The following EPOR variants were observed in gnomAD, a reference collection of about 807,000 sequenced individuals.
EPOR encodes the protein erythropoietin receptor.
In EPOR, 20 loss-of-function variants were observed where a neutral mutation model predicts 34.3. The observed-to-expected ratio is 0.58, with a 90% CI of 0.41 to 0.85. The LOEUF (loss-of-function observed/expected upper bound fraction) is 0.85. Ranked by LOEUF, EPOR falls within the 40% of genes least tolerant of loss-of-function variation. The pLI, the probability that EPOR is intolerant of heterozygous loss-of-function variation, is 0.00. For synonymous variants in EPOR, 312 were observed against 299.0 expected (o/e 1.04, Z -0.45); for missense variants, 601 against 672.7 (o/e 0.89, Z 1.18).
chr19:11,377,933 C>A lies in EPOR; in HGVS notation c.*51G>T, dbSNP rs1161552522. ...CCCTGTTCCATAAGTCTTGAGTCTG[C>A]ACTGGTTCTCTGAGTCATATTGGAT... On this transcript the variant is annotated 3_prime_UTR_variant, in exon 8 of 8. Coordinates refer to ENST00000222139, the MANE Select transcript of EPOR (RefSeq NM_000121.4). The A allele has an allele frequency of 6.2e-7, 1 of 1,611,238 alleles. No homozygotes were observed. Among genetic ancestry groups the A allele is most frequent in the African/African-American group, 1.3e-5 (1 of 74,864 alleles).
At chr19:11,382,859 G>C (rs1338942192) in intron 2 of EPOR, 1 of 1,505,864 alleles carries the variant, frequency 6.6e-7, no homozygotes, top group East Asian at 2.6e-5. Context: ...TCGATTTGGA[G>C]GCGTTGTTAT....
rs1304121438 is a variant in EPOR, at chr19:11,381,700, C to A, written c.577G>T (p.Val193Leu). 3 of 1,606,744 alleles carry A rather than the reference C, an allele frequency of 1.9e-6. No homozygotes were observed. The highest frequency in any genetic ancestry group is 2.5e-6 in the Non-Finnish European group (3 of 1,177,242). ...DVSAGNGAGS[V>L]QRVEILEGRT... ...GTAGGGGCTGGCCTCACCCTCTGTACGCTCCCTGCGCCGTTGCCGGCCGAG... is the reference window on the plus strand; with the variant it reads ...GTAGGGGCTGGCCTCACCCTCTGTAAGCTCCCTGCGCCGTTGCCGGCCGAG... The change falls in exon 4 of 8, where the codon GTA (valine) becomes TTA (leucine). Residue 193 changes from valine to leucine, a missense_variant. Physicochemically the swap from Val to Leu is conservative, Grantham distance 32. Coordinates refer to ENST00000222139, the MANE Select transcript of EPOR (RefSeq NM_000121.4). This position sits in a 1 kb window ranked among gnomAD's most constrained non-coding sequence, Gnocchi z 5.3.
Position 11,377,300 on chromosome 19 carries a change from G to C in EPOR, c.*684C>G. ...CTTCCTGGGTGTACAGCTAAACTAAGTTTCCTGGCCTTTCATGTGACTGGG... is the reference window on the plus strand; with the variant it reads ...CTTCCTGGGTGTACAGCTAAACTAACTTTCCTGGCCTTTCATGTGACTGGG... On this transcript the variant is annotated 3_prime_UTR_variant, in exon 8 of 8. Coordinates refer to ENST00000222139, the MANE Select transcript of EPOR (RefSeq NM_000121.4). 2.2e-6 allele frequency: 1 copy of C among 454,054 alleles called. No homozygotes were observed. The highest frequency in any genetic ancestry group is 1.6e-5 in the South Asian group (1 of 64,474). The allele number at this position is 454,054 out of a possible 1,614,324, so 28.1% of individuals were successfully genotyped here.
rs776060672 is a variant in EPOR, at chr19:11,381,037, C to T, written c.739+19G>A. Reference sequence around the variant, plus strand: ...GTGATTCGCCCTGGCTCCTCCTACACCCCCGCCTGGGGCCTCACCGCTAGG... The same window carrying T: ...GTGATTCGCCCTGGCTCCTCCTACATCCCCGCCTGGGGCCTCACCGCTAGG... On this transcript the variant is annotated intron_variant, in intron 5 of 7. Coordinates refer to ENST00000222139, the MANE Select transcript of EPOR (RefSeq NM_000121.4). This position sits in a 1 kb window ranked among gnomAD's most constrained non-coding sequence, Gnocchi z 5.3. The T allele has an allele frequency of 1.3e-6, 2 of 1,591,190 alleles. No homozygotes were observed. The highest frequency in any genetic ancestry group is 1.7e-6 in the Non-Finnish European group (2 of 1,168,548).
At chr19:11,382,992 C>T in intron 2 of EPOR, 105 bp downstream of exon 2, 1 of 1,597,302 alleles carries the variant, frequency 6.3e-7, no homozygotes, top group South Asian at 1.1e-5. Context: ...ACTGGAGGCG[C>T]CGTCGGGCCT....
Position 11,380,928 on chromosome 19 carries a change from G to A in EPOR, c.783C>T (p.Val261=). The A allele has an allele frequency of 6.4e-7, 1 of 1,552,010 alleles. No individual in the cohort carries two copies. The change falls in exon 6 of 8, where the codon GTC becomes GTT. Residue 261 remains valine, a synonymous_variant. Coordinates refer to ENST00000222139, the MANE Select transcript of EPOR (RefSeq NM_000121.4). The part of the protein sequence containing the change: ...LILTLSLILV[V]ILVLLTVLAL... ...CGAGCACGGTCAGCAGCACCAGGAT[G>A]ACCACGAGGATGAGGGAGAGCGTCA...
In EPOR at chr19:11,383,439, G is replaced by A; in HGVS notation, c.116-207C>T. 2 of 551,868 alleles carry A rather than the reference G, an allele frequency of 3.6e-6. No individual in the cohort carries two copies. Among genetic ancestry groups the A allele is most frequent in the Non-Finnish European group, 6.3e-6 (2 of 316,070 alleles). 34.2% of individuals were successfully genotyped at this position (551,868 alleles called of 1,614,324 possible). ...CAAGTTTCTCGCCTTACTGTCCCCC[G>A]CCGTCACCACTGGCGCACACCTGCC... On this transcript the variant is annotated intron_variant, in intron 1 of 7. Coordinates refer to ENST00000222139, the MANE Select transcript of EPOR (RefSeq NM_000121.4). The surrounding 1 kb of genome is among the most constrained non-coding windows in gnomAD (Gnocchi z 4.9).
rs141524122 is a variant in EPOR, at chr19:11,377,407, T to C, written c.*577A>G. On this transcript the variant is annotated 3_prime_UTR_variant, in exon 8 of 8. Coordinates refer to ENST00000222139, the MANE Select transcript of EPOR (RefSeq NM_000121.4). ...CAGGCCAGATCCCTCAAATGGCCCA[T>C]TGAGGGTCATTGCTGCCCTTTTTCT... 144 of 454,026 alleles carry C rather than the reference T, an allele frequency of 3.2e-4. 2 individuals are homozygous for C. In the East Asian group the frequency reaches 8.7e-3, roughly 27 times the overall value. 28.1% of individuals were successfully genotyped at this position (454,026 alleles called of 1,614,324 possible). A position where few individuals can be genotyped will look rare whatever the true frequency, so the allele number is the denominator to read the frequency against.
Position 11,384,079 on chromosome 19 carries a change from C to A in EPOR, c.115+14G>T, listed in dbSNP as rs1327953682. On this transcript the variant is annotated intron_variant, in intron 1 of 7. Transcript: ENST00000222139. ...AGGCTCCAGCGTAGGGGTCCACACG[C>A]AGCTCATCCTTACCTTTGCTCTCGA... is the stretch of plus-strand genomic sequence containing the variant. 1 of 1,512,774 alleles carries A rather than the reference C, an allele frequency of 6.6e-7. No individual in the cohort carries two copies. The highest frequency in any genetic ancestry group is 2.0e-5 in the Admixed American group (1 of 50,940). The allele number at this position is 1,512,774 out of a possible 1,614,324, so 93.7% of individuals were successfully genotyped here.
chr19:11,380,746 C>A, intron 6 of EPOR, 138 bp downstream of exon 6: 1 of 729,428 alleles, frequency 1.4e-6, no homozygotes, highest in South Asian at 1.6e-5. Context: ...GGCATGCATC[C>A]CAGCCCTGCC....
In EPOR at chr19:11,381,299, A is replaced by T. The variant is rs1232255538; in HGVS notation, c.586-90T>A. ...TGGTGGAACTGAGCCAATCAGGGGA[A>T]AGGAAAACGGTGCCCTAGAATTGCA... On this transcript the variant is annotated intron_variant, in intron 4 of 7. Transcript: ENST00000222139. The surrounding 1 kb of genome is among the most constrained non-coding windows in gnomAD (Gnocchi z 5.3). The T allele has an allele frequency of 2.1e-6, 3 of 1,428,838 alleles. No homozygotes were observed. The highest frequency in any genetic ancestry group is 2.8e-5 in the African/African-American group (2 of 70,698). The allele number at this position is 1,428,838 out of a possible 1,614,324, so 88.5% of individuals were successfully genotyped here.
chr19:11,378,039 T>C lies in EPOR; in HGVS notation c.1472A>G (p.Asn491Ser). 3 of 1,614,110 alleles carry C rather than the reference T, an allele frequency of 1.9e-6. No individual in the cohort carries two copies. The South Asian group carries it at 3.3e-5, about 18-fold the overall frequency. The change falls in exon 8 of 8, where the codon AAC (asparagine) becomes AGC (serine). Residue 491 changes from asparagine to serine, a missense_variant. Coordinates refer to ENST00000222139, the MANE Select transcript of EPOR (RefSeq NM_000121.4). This position sits in a 1 kb window ranked among gnomAD's most constrained non-coding sequence, Gnocchi z 5.3. Reference sequence around the variant, plus strand: ...AGGCTCAGCGGCTGGGATAAGGCTGTTCTCATAAGGGTTGGAGTAGGGGCC... The same window carrying C: ...AGGCTCAGCGGCTGGGATAAGGCTGCTCTCATAAGGGTTGGAGTAGGGGCC... ...SDGPYSNPYENSLIPAAEPLP... is the reference protein window; with the variant it reads ...SDGPYSNPYESSLIPAAEPLP...
chr19:11,379,981 G>A (rs931686186), intron 6 of EPOR, among the ~76,000 whole-genome samples: 8 of 152,168 alleles, frequency 5.3e-5, no homozygotes, highest in Non-Finnish European at 1.0e-4. Context: ...GATTACAGGC[G>A]TGAGCCACCA....
Position 11,378,005 on chromosome 19 carries a change from G to T in EPOR, c.1506C>A (p.Pro502=), listed in dbSNP as rs1323823127. 1 of 1,613,958 alleles carries T rather than the reference G, an allele frequency of 6.2e-7. No individual in the cohort carries two copies. Among genetic ancestry groups the T allele is most frequent in the African/African-American group, 1.3e-5 (1 of 74,922 alleles). Reference sequence around the variant, plus strand: ...TGTCCTAAGAGCAAGCCACATAGCTGGGGGGCAGAGGCTCAGCGGCTGGGA... The same window carrying T: ...TGTCCTAAGAGCAAGCCACATAGCTTGGGGGCAGAGGCTCAGCGGCTGGGA... The part of the protein sequence containing the change: ...SLIPAAEPLP[P]SYVACS The change falls in exon 8 of 8, where the codon CCC becomes CCA. Residue 502 remains proline (P), a synonymous_variant. Transcript: ENST00000222139. This position sits in a 1 kb window ranked among gnomAD's most constrained non-coding sequence, Gnocchi z 5.3.
chr19:11,381,244 G>T lies in EPOR; in HGVS notation c.586-35C>A. The T allele has an allele frequency of 6.5e-7, 1 of 1,547,832 alleles. No homozygotes were observed. ...GAATCAGGGCGAGGGACGCGTAGCA[G>T]ACAAAAATAGATGACGTGGGGGCGG... On this transcript the variant is annotated intron_variant, in intron 4 of 7. Coordinates refer to ENST00000222139, the MANE Select transcript of EPOR (RefSeq NM_000121.4). The surrounding 1 kb of genome is among the most constrained non-coding windows in gnomAD (Gnocchi z 5.3).
chr19:11,378,650 C>T lies in EPOR; in HGVS notation c.915+41G>A. 6.2e-7 allele frequency: 1 copy of T among 1,614,134 alleles called. No homozygotes were observed. The highest frequency in any genetic ancestry group is 8.5e-7 in the Non-Finnish European group (1 of 1,180,008). On this transcript the variant is annotated intron_variant, in intron 7 of 7. Transcript: ENST00000222139. This position sits in a 1 kb window ranked among gnomAD's most constrained non-coding sequence, Gnocchi z 5.3. ...AGGCCTGCAGTTTGGCTGCAAGAAG[C>T]AGGGAAGCCCAGGCACTGAGGGGAC...
At position 11,381,385 on chromosome 19, in the gene EPOR, GTC is replaced by G. The variant is rs994701167; in HGVS notation, c.586-178_586-177del. ...AAGCTCAGGGCCAATCAGAGAGAGAGTCTCTGGTACGAAAGGGCGGGACCCGG... is the reference window on the plus strand; with the variant it reads ...AAGCTCAGGGCCAATCAGAGAGAGAGTCTGGTACGAAAGGGCGGGACCCGG... On this transcript the variant is annotated intron_variant, in intron 4 of 7. Transcript: ENST00000222139. This position sits in a 1 kb window ranked among gnomAD's most constrained non-coding sequence, Gnocchi z 5.3. 5 of 744,480 alleles carry G rather than the reference GTC, an allele frequency of 6.7e-6. No homozygotes were observed. The highest frequency in any genetic ancestry group is 1.1e-5 in the Non-Finnish European group (5 of 453,652). 46.1% of individuals were successfully genotyped at this position (744,480 alleles called of 1,614,324 possible).
chr19:11,381,574 A>G lies in EPOR; in HGVS notation c.585+118T>C. ...TGGAACGGTCTTCAGCACCAGGGTA[A>G]TGGGATGTGGGATGTTACGGACCGG... is the stretch of plus-strand genomic sequence containing the variant. On this transcript the variant is annotated intron_variant, in intron 4 of 7. Coordinates refer to ENST00000222139, the MANE Select transcript of EPOR (RefSeq NM_000121.4). The surrounding 1 kb of genome is among the most constrained non-coding windows in gnomAD (Gnocchi z 5.3). The G allele has an allele frequency of 9.5e-7, 1 of 1,056,700 alleles. No homozygotes were observed. Among genetic ancestry groups the G allele is most frequent in the South Asian group, 1.5e-5 (1 of 67,614 alleles). 65.5% of individuals were successfully genotyped at this position (1,056,700 alleles called of 1,614,324 possible).
At position 11,381,727 on chromosome 19, in the gene EPOR, C is replaced by T. The variant is rs1488802289; in HGVS notation, c.550G>A (p.Val184Ile). 7 of 1,611,994 alleles carry T rather than the reference C, an allele frequency of 4.3e-6. No homozygotes were observed. Among genetic ancestry groups the T allele is most frequent in the East Asian group, 4.5e-5 (2 of 44,778 alleles). ...MTSHIRYEVD[V>I]SAGNGAGSVQ... ...CTCCCTGCGCCGTTGCCGGCCGAGA[C>T]GTCCACCTCGTAGCGGATGTGAGAC... Residue 184 changes from valine (V) to isoleucine (I), a missense_variant, in exon 4 of 8, where the codon GTC (valine) becomes ATC (isoleucine). Physicochemically the swap from Val to Ile is conservative, Grantham distance 29. Transcript: ENST00000222139. The surrounding 1 kb of genome is among the most constrained non-coding windows in gnomAD (Gnocchi z 5.3).
Sources: gnomAD v4.1 joint callset for allele counts (sites outside exome capture counted in the v4.1 genomes callset) on GRCh38, gnomAD v4.1.1 for gene constraint, Gnocchi (gnomAD v3.1) non-coding constraint, MANE v1.5 for transcripts, NCBI Gene and HGNC (gene_info 2026-07-23, HGNC 2026-07-21) for gene names.